The following MOXD1 variants were observed in gnomAD, a reference collection of about 807,000 sequenced individuals.
MOXD1 encodes monooxygenase DBH like 1, also known as DBH-like monooxygenase protein 1.
A neutral mutation model predicts 66.6 loss-of-function variants in MOXD1; 62 were observed. The observed-to-expected ratio is 0.93, with a 90% CI of 0.76 to 1.15. The LOEUF (loss-of-function observed/expected upper bound fraction) is 1.15. MOXD1 is among the 50% of genes most tolerant of loss of function. The pLI is 0.00. For missense variants in MOXD1, 847 were observed against 754.6 expected (o/e 1.12, Z -1.44); for synonymous variants, 303 against 281.9 (o/e 1.07, Z -0.75).
intron 4 of MOXD1, among the ~76,000 whole-genome samples, chr6:132,361,146 A>T (rs1007626409): frequency 6.6e-6 from 1 of 152,146 alleles, no homozygotes; most frequent in Non-Finnish European, 1.5e-5. Flanking sequence ...CCTAAAATGG[A>T]CCCATTACAT....
chr6:132,343,400 C>A lies in MOXD1; in HGVS notation c.664-14806G>T, dbSNP rs543067536. ...GACCAGCCTGGCTAACATGGTGAAA[C>A]CCCGTTTCTACTAAAAATACAAAAA... is the stretch of plus-strand genomic sequence containing the variant. On this transcript the variant is annotated intron_variant, in intron 4 of 11. Coordinates refer to ENST00000367963, the MANE Select transcript of MOXD1 (RefSeq NM_015529.4). Among the ~76,000 whole-genome samples, 9 of 152,122 alleles carry A rather than the reference C, an allele frequency of 5.9e-5. No individual in the cohort carries two copies. The East Asian group carries it at 1.7e-3, about 29-fold the overall frequency.
chr6:132,391,915 G>A (rs1776773553), intron 1 of MOXD1: 1 of 284,870 alleles, frequency 3.5e-6, no homozygotes, highest in Admixed American at 5.3e-5. Flanking sequence ...CTGTGTTCCA[G>A]CATTACTGTG....
At chr6:132,393,801 C>T (rs1776818372) in intron 1 of MOXD1, among the ~76,000 whole-genome samples, 1 of 152,232 alleles carries the variant, frequency 6.6e-6, no homozygotes, top group African/African-American at 2.4e-5. Flanking sequence ...ACAGACACCA[C>T]TGTTGGGCTG....
intron 4 of MOXD1, among the ~76,000 whole-genome samples, chr6:132,371,721 T>C (rs1051123571): frequency 2.6e-5 from 4 of 152,152 alleles, no homozygotes; most frequent in East Asian, 1.9e-4. Context: ...GGTGGACTTA[T>C]GATTCTCAAA....
intron 4 of MOXD1, among the ~76,000 whole-genome samples, chr6:132,357,885 G>GT (rs764435030): frequency 6.0e-4 from 92 of 152,214 alleles, no homozygotes; most frequent in Admixed American, 3.3e-3. Context: ...GAGAAAGGCA[G>GT]TTTTTTCCTC....
At chr6:132,392,230 G>C (rs746429929) in intron 1 of MOXD1, 1 of 1,600,772 alleles carries the variant, frequency 6.2e-7, no homozygotes. Flanking sequence ...CAAGTGGCCC[G>C]GCAGCAATTA....
chr6:132,336,594 T>C (rs1056304847), intron 4 of MOXD1, among the ~76,000 whole-genome samples: 72 of 152,010 alleles, frequency 4.7e-4, no homozygotes, highest in African/African-American at 1.7e-3. Flanking sequence ...CCACAGACAC[T>C]CCACTCTGAA....
chr6:132,353,628 T>C (rs1048533577), intron 4 of MOXD1, among the ~76,000 whole-genome samples: 1 of 152,222 alleles, frequency 6.6e-6, no homozygotes, highest in Non-Finnish European at 1.5e-5. Context: ...CATAACCTGA[T>C]GATGATGTGC....
intron 4 of MOXD1, among the ~76,000 whole-genome samples, chr6:132,331,948 GA>G (rs142363840): frequency 0.042 from 6,427 of 152,238 alleles, 247 homozygotes; most frequent in African/African-American, 0.096. Flanking sequence ...GCCAATGCCA[GA>G]AGGTACTTCT....
chr6:132,342,416 C>T (rs910763378), intron 4 of MOXD1, among the ~76,000 whole-genome samples: 3 of 152,208 alleles, frequency 2.0e-5, no homozygotes, highest in African/African-American at 7.2e-5. Context: ...ACATATGTAA[C>T]TTTTTTACTG....
chr6:132,367,923 A>G (rs1364633339), intron 4 of MOXD1, among the ~76,000 whole-genome samples: 1 of 152,004 alleles, frequency 6.6e-6, no homozygotes, highest in East Asian at 1.9e-4. Flanking sequence ...CTCCCTATTT[A>G]GGGAGCTAGT....
rs1562274378 is a variant in MOXD1 at position 132,297,806 on chromosome 6, G to A, written c.1658C>T (p.Thr553Ile). ...GCTTACCGACCACTCAGCATTGTCT[G>A]TCTTGGAACATCTCACATTCACTGG... ...SLPVNVRCSK[T>I]DNAEWSIQGM... The change falls in exon 11 of 12, where the codon ACA becomes ATA. Residue 553 changes from threonine to isoleucine, a missense_variant. By Grantham distance (89) the Thr-to-Ile change is moderately conservative (BLOSUM62 -1). Coordinates refer to ENST00000367963, the MANE Select transcript of MOXD1 (RefSeq NM_015529.4). The A allele has an allele frequency of 6.2e-7, 1 of 1,611,002 alleles. No homozygotes were observed.
At chr6:132,401,084 C>T in intron 1 of MOXD1, 79 bp downstream of exon 1, 1 of 1,373,604 alleles carries the variant, frequency 7.3e-7, no homozygotes, top group Admixed American at 3.5e-5. Flanking sequence ...GCCCCGGGGA[C>T]GACCCGCACC....
At chr6:132,385,461 AATTATT>A (rs71030795) in intron 1 of MOXD1, among the ~76,000 whole-genome samples, 5,346 of 133,550 alleles carry the variant, frequency 0.04, 236 homozygotes, top group African/African-American at 0.11. Flanking sequence ...AATATACTGA[AATTATT>A]ATTATTATTA....
chr6:132,308,408 C>T (rs982387432), intron 10 of MOXD1, among the ~76,000 whole-genome samples: 1 of 152,128 alleles, frequency 6.6e-6, no homozygotes, highest in Non-Finnish European at 1.5e-5. Context: ...AGCCCAGGAA[C>T]AGATGGATTC....
At chr6:132,379,857 G>T (rs1000732) in intron 1 of MOXD1, among the ~76,000 whole-genome samples, 22,331 of 152,050 alleles carry the variant, frequency 0.15, 1,761 homozygotes, top group East Asian at 0.24. Flanking sequence ...GTCTCACTTT[G>T]TCATCCAGGC....
chr6:132,392,393 G>C, intron 1 of MOXD1: 1 of 1,483,608 alleles, frequency 6.7e-7, no homozygotes, highest in African/African-American at 1.4e-5. Flanking sequence ...AAATTCAACA[G>C]GCATATTCAA....
At chr6:132,392,014 CTT>C (rs1274277952) in intron 1 of MOXD1, 1 of 644,518 alleles carries the variant, frequency 1.6e-6, no homozygotes, top group African/African-American at 1.9e-5. Context: ...AATCTGAAGA[CTT>C]ATAAATATCT....
intron 4 of MOXD1, among the ~76,000 whole-genome samples, chr6:132,353,170 C>T (rs1775838708): frequency 6.6e-6 from 1 of 152,102 alleles, no homozygotes; most frequent in Non-Finnish European, 1.5e-5. Context: ...GGTATCATTG[C>T]ATTCATTGTG....
Sources: allele counts gnomAD v4.1 joint callset (sites outside exome capture counted in the v4.1 genomes callset), GRCh38; gene constraint gnomAD v4.1.1; transcripts MANE v1.5; gene names NCBI Gene and HGNC (gene_info 2026-07-23, HGNC 2026-07-21).